The following SLC23A2 variants were observed in gnomAD, a reference collection of about 807,000 sequenced individuals.
SLC23A2 encodes the protein solute carrier family 23 member 2.
Under a neutral mutation model 73.3 loss-of-function variants are expected in SLC23A2, and 36 were observed. The observed-to-expected ratio is 0.49, with a 90% CI of 0.38 to 0.65. The LOEUF (loss-of-function observed/expected upper bound fraction) is 0.65. SLC23A2 is among the 30% of genes least tolerant of loss of function. The pLI is 0.00. For synonymous variants in SLC23A2, 343 were observed against 327.3 expected (o/e 1.05, Z -0.52); for missense variants, 507 against 841.6 (o/e 0.60, Z 4.92).
At chr20:4,924,646 C>G (rs181350801) in intron 3 of SLC23A2, among the ~76,000 whole-genome samples, 163 of 152,344 alleles carry the variant, frequency 1.1e-3, no homozygotes, top group Non-Finnish European at 1.9e-3. Context: ...CAATGCCCAT[C>G]CTGGTGGAGC....
chr20:4,896,059 G>A (rs190209975), intron 6 of SLC23A2, among the ~76,000 whole-genome samples: 50 of 152,320 alleles, frequency 3.3e-4, no homozygotes, highest in Non-Finnish European at 4.6e-4. Context: ...AGGAAGGGTG[G>A]AGGAGTCTGC....
intron 2 of SLC23A2, among the ~76,000 whole-genome samples, chr20:4,969,348 C>T (rs1486023204): frequency 6.6e-6 from 1 of 152,166 alleles, no homozygotes; most frequent in Non-Finnish European, 1.5e-5. Context: ...CTCAGCTTCC[C>T]AAAGTGCTGG....
intron 2 of SLC23A2, among the ~76,000 whole-genome samples, chr20:4,963,827 G>A (rs2087430942): frequency 6.6e-6 from 1 of 152,002 alleles, no homozygotes; most frequent in African/African-American, 2.4e-5. Flanking sequence ...CAGCCTGGGT[G>A]ACATAGTGAG....
At chr20:4,943,212 C>T (rs1185937793) in intron 2 of SLC23A2, among the ~76,000 whole-genome samples, 1 of 151,960 alleles carries the variant, frequency 6.6e-6, no homozygotes, top group African/African-American at 2.4e-5. Flanking sequence ...AAGTAGACGG[C>T]ACTGAATAAA....
intron 1 of SLC23A2, among the ~76,000 whole-genome samples, chr20:4,997,773 A>G (rs188379075): frequency 1.6e-4 from 25 of 151,798 alleles, no homozygotes; most frequent in Admixed American, 1.6e-3. Flanking sequence ...TACAGGCACT[A>G]CTACCACGTC....
chr20:4,962,014 T>C (rs1190445409), intron 2 of SLC23A2, among the ~76,000 whole-genome samples: 2 of 151,428 alleles, frequency 1.3e-5, no homozygotes, highest in East Asian at 3.9e-4. Context: ...GTTGGGGGAG[T>C]GCTTATCTGA....
intron 2 of SLC23A2, among the ~76,000 whole-genome samples, chr20:4,963,190 T>C (rs1305087266): frequency 6.6e-6 from 1 of 152,212 alleles, no homozygotes; most frequent in Non-Finnish European, 1.5e-5. Flanking sequence ...CTTCACTCTT[T>C]GCTATTCTCC....
At chr20:4,919,038 T>C (rs12329596) in intron 3 of SLC23A2, among the ~76,000 whole-genome samples, 253 of 152,288 alleles carry the variant, frequency 1.7e-3, no homozygotes, top group African/African-American at 5.7e-3. Flanking sequence ...CAAGCTCCTT[T>C]ACTATGAACA....
chr20:5,001,250 C>T (rs2088118938), intron 1 of SLC23A2, among the ~76,000 whole-genome samples, 156 bp downstream of exon 1: 1 of 138,036 alleles, frequency 7.2e-6, no homozygotes, highest in Non-Finnish European at 1.6e-5. Flanking sequence ...GGAGATGGGT[C>T]GGGGTGGGGG....
At position 4,902,522 on chromosome 20, in the gene SLC23A2, G is replaced by C; in HGVS notation, c.244C>G (p.Leu82Val). ...ATCATGTCTGATCGCTGGGGGTCCA[G>C]ACTGCCAGTGCTATCCAGGGTCTCA... ...LAETLDSTGS[L>V]DPQRSDMIYT... is the part of the protein sequence containing the mutation. The change falls in exon 5 of 17, where the codon CTG (leucine) becomes GTG (valine). Residue 82 changes from leucine to valine, a missense_variant. Around this residue, in one of 5 missense-constraint regions of SLC23A2, gnomAD observed 78 missense variants for 86.7 expected, o/e 0.90. Transcript: ENST00000338244. This position sits in a 1 kb window ranked among gnomAD's most constrained non-coding sequence, Gnocchi z 4.0. The C allele has an allele frequency of 6.2e-7, 1 of 1,612,696 alleles. No individual in the cohort carries two copies. Among genetic ancestry groups the C allele is most frequent in the East Asian group, 2.2e-5 (1 of 44,816 alleles).
At chr20:4,885,368 G>C (rs17254623) in intron 7 of SLC23A2, among the ~76,000 whole-genome samples, 1,851 of 152,256 alleles carry the variant, frequency 0.012, 22 homozygotes, top group South Asian at 0.035. Flanking sequence ...GGTTCCTTAA[G>C]GATCTTTGCA....
chr20:4,920,644 A>T (rs1354515656), intron 3 of SLC23A2, among the ~76,000 whole-genome samples: 2 of 152,210 alleles, frequency 1.3e-5, no homozygotes, highest in Non-Finnish European at 2.9e-5. Flanking sequence ...ATCCTTATAC[A>T]CTGACACAGG....
At chr20:4,985,738 G>A (rs1202985492) in intron 1 of SLC23A2, among the ~76,000 whole-genome samples, 4 of 152,136 alleles carry the variant, frequency 2.6e-5, no homozygotes, top group African/African-American at 9.7e-5. Flanking sequence ...ATGAGCCACT[G>A]TGCCTGGCCA....
rs1192847274 is a variant in SLC23A2 at position 4,902,216 on chromosome 20, C to A, written c.324+226G>T. ...ATGGACTTTTGCCATGTTACCCAGG[C>A]TGGTCTTGAGCTCCTAGGCTCCAGT... On this transcript the variant is annotated intron_variant, in intron 5 of 16. Transcript: ENST00000338244. This position sits in a 1 kb window ranked among gnomAD's most constrained non-coding sequence, Gnocchi z 4.0. Among the ~76,000 whole-genome samples the A allele has an allele frequency of 6.6e-6, 1 of 152,230 alleles. No homozygotes were observed. Among genetic ancestry groups the A allele is most frequent in the Non-Finnish European group, 1.5e-5 (1 of 68,040 alleles).
At chr20:4,903,762 T>C (rs1191652179) in intron 4 of SLC23A2, among the ~76,000 whole-genome samples, 1 of 152,236 alleles carries the variant, frequency 6.6e-6, no homozygotes, top group Non-Finnish European at 1.5e-5. Context: ...CAAGGGATAC[T>C]GGCAAATTTA....
In SLC23A2 at chr20:4,998,189, T is replaced by C. The variant is rs2088055602; in HGVS notation, c.-282+3217A>G. 1.3e-5 allele frequency among the ~76,000 whole-genome samples: 2 copies of C among 152,040 alleles called. No homozygotes were observed. The highest frequency in any genetic ancestry group is 6.6e-5 in the Admixed American group (1 of 15,252). On this transcript the variant is annotated intron_variant, in intron 1 of 16. Transcript: ENST00000338244. This position sits in a 1 kb window ranked among gnomAD's most constrained non-coding sequence, Gnocchi z 4.1. ...TATCAACTCCCATCCCCACACTTAATCCCCCGAGCCTTGTCAGATTCCTCT... is the reference window on the plus strand; with the variant it reads ...TATCAACTCCCATCCCCACACTTAACCCCCCGAGCCTTGTCAGATTCCTCT...
chr20:4,967,006 G>C (rs895574100), intron 2 of SLC23A2, among the ~76,000 whole-genome samples: 2 of 152,106 alleles, frequency 1.3e-5, no homozygotes, highest in African/African-American at 2.4e-5. Context: ...AGATATAAAA[G>C]AGACCAAAGC....
At position 4,902,894 on chromosome 20, in the gene SLC23A2, T is replaced by C. The variant is rs1931801640; in HGVS notation, c.208-336A>G. On this transcript the variant is annotated intron_variant, in intron 4 of 16. Coordinates refer to ENST00000338244, the MANE Select transcript of SLC23A2 (RefSeq NM_005116.6). This position sits in a 1 kb window ranked among gnomAD's most constrained non-coding sequence, Gnocchi z 4.0. ...CAGGTTGAGACCACAAAATGATACC[T>C]TGGCACGAGCAGTCCTTGCGTGAGA... is the stretch of plus-strand genomic sequence containing the variant. 6.6e-6 allele frequency among the ~76,000 whole-genome samples: 1 copy of C among 152,034 alleles called. No homozygotes were observed. The highest frequency in any genetic ancestry group is 1.5e-5 in the Non-Finnish European group (1 of 68,000).
At chr20:4,888,561 C>T (rs1242560463) in intron 6 of SLC23A2, among the ~76,000 whole-genome samples, 1 of 152,172 alleles carries the variant, frequency 6.6e-6, no homozygotes. Context: ...GCAGGAGAAC[C>T]TAAGCAAACT....
Sources: gnomAD v4.1 joint callset for allele counts (sites outside exome capture counted in the v4.1 genomes callset) on GRCh38, gnomAD v4.1.1 for gene constraint, gnomAD v4.1.1 regional missense constraint, Gnocchi (gnomAD v3.1) non-coding constraint, MANE v1.5 for transcripts, NCBI Gene and HGNC (gene_info 2026-07-23, HGNC 2026-07-21) for gene names.